Variants in SPON1 observed in about 807,000 individuals in gnomAD.
SPON1 encodes spondin 1.
In SPON1, 52 loss-of-function variants were observed where a neutral mutation model predicts 111.7. The observed-to-expected ratio is 0.47, with a 90% CI of 0.37 to 0.59. SPON1 has a LOEUF of 0.59. SPON1 is among the 20% of genes least tolerant of loss of function. SPON1 has a pLI of 0.00. For missense variants in SPON1, 957 were observed against 1,068.5 expected (o/e 0.90, Z 1.46); for synonymous variants, 410 against 395.8 (o/e 1.04, Z -0.43).
At chr11:14,060,311 A>G (rs973413473) in intron 3 of SPON1, among the ~76,000 whole-genome samples, 2 of 152,224 alleles carry the variant, frequency 1.3e-5, no homozygotes, top group Non-Finnish European at 2.9e-5. Flanking sequence ...AATACCAAGG[A>G]TACCTACATA....
intron 1 of SPON1, among the ~76,000 whole-genome samples, chr11:13,981,641 G>A (rs1304131048): frequency 2.0e-5 from 3 of 152,234 alleles, no homozygotes; most frequent in South Asian, 2.1e-4. Context: ...AGATTTTAAC[G>A]GAAAAATCGT....
chr11:14,054,154 T>A (rs1848727798), intron 3 of SPON1, among the ~76,000 whole-genome samples: 1 of 152,216 alleles, frequency 6.6e-6, no homozygotes, highest in Non-Finnish European at 1.5e-5. Flanking sequence ...TTCAGCTACA[T>A]TTTTCCTTGG....
chr11:14,219,999 A>C (rs1388396507), intron 6 of SPON1, among the ~76,000 whole-genome samples: 2 of 147,750 alleles, frequency 1.4e-5, no homozygotes, highest in Admixed American at 1.4e-4. Context: ...AGGTGGGAGG[A>C]TTGCTTGAGC....
chr11:14,117,242 G>C (rs1554926052), intron 5 of SPON1, among the ~76,000 whole-genome samples: 1 of 152,086 alleles, frequency 6.6e-6, no homozygotes, highest in East Asian at 1.9e-4. Flanking sequence ...TGGCAATAAT[G>C]GACATTCTTG....
chr11:14,035,562 T>G (rs1564890429), intron 2 of SPON1, among the ~76,000 whole-genome samples: 1 of 151,334 alleles, frequency 6.6e-6, no homozygotes, highest in Admixed American at 6.6e-5. Flanking sequence ...TGTGGCCAAG[T>G]CATATAGCCA....
chr11:14,070,575 C>A (rs546892130), intron 3 of SPON1, among the ~76,000 whole-genome samples: 7 of 152,350 alleles, frequency 4.6e-5, no homozygotes, highest in East Asian at 1.9e-4. Flanking sequence ...CAACACACCA[C>A]AGTAGGAACT....
At chr11:13,978,969 T>TAG (rs1848123633) in intron 1 of SPON1, among the ~76,000 whole-genome samples, 1 of 152,210 alleles carries the variant, frequency 6.6e-6, no homozygotes, top group South Asian at 2.1e-4. Flanking sequence ...GGAGCAGGGA[T>TAG]TATCTGTCTT....
chr11:14,234,165 G>T (rs1165307559), intron 6 of SPON1, among the ~76,000 whole-genome samples: 1 of 152,228 alleles, frequency 6.6e-6, no homozygotes, highest in Non-Finnish European at 1.5e-5. Context: ...AGTCAGATCT[G>T]GCCTGGATCA....
At chr11:14,171,617 C>T (rs368647702) in intron 6 of SPON1, among the ~76,000 whole-genome samples, 1 of 151,922 alleles carries the variant, frequency 6.6e-6, no homozygotes, top group South Asian at 2.1e-4. Context: ...CTGCTTTCTC[C>T]TGTGGGCATT....
chr11:14,022,756 C>T (rs782065743), intron 2 of SPON1, among the ~76,000 whole-genome samples: 8 of 152,350 alleles, frequency 5.3e-5, no homozygotes, highest in Admixed American at 3.9e-4. Flanking sequence ...ATTACTGAAA[C>T]CTTTTCATAG....
chr11:14,267,721 G>A lies in SPON1; in HGVS notation c.*2034G>A, dbSNP rs1380738211. 3 of 152,180 alleles carry A rather than the reference G, an allele frequency of 2.0e-5. No homozygotes were observed. Among genetic ancestry groups the A allele is most frequent in the African/African-American group, 7.2e-5 (3 of 41,436 alleles). The allele number at this position is 152,180 out of a possible 1,614,324, so 9.4% of individuals were successfully genotyped here. A position where few individuals can be genotyped will look rare whatever the true frequency, so the allele number is the denominator to read the frequency against. ...ATGGGGAATTTATAAGAAGCATCAA[G>A]TCTCTTTCTTACCAAAGTCTTGTTA... is the stretch of plus-strand genomic sequence containing the variant. On this transcript the variant is annotated 3_prime_UTR_variant, in exon 16 of 16. Coordinates refer to ENST00000576479, the MANE Select transcript of SPON1 (RefSeq NM_006108.4).
intron 2 of SPON1, among the ~76,000 whole-genome samples, chr11:14,017,366 T>C (rs782073566): frequency 6.6e-6 from 1 of 152,222 alleles, no homozygotes; most frequent in Admixed American, 6.5e-5. Context: ...AATTACATCA[T>C]TGTTTTCAGA....
chr11:13,993,612 T>C (rs1848248795), intron 2 of SPON1, among the ~76,000 whole-genome samples: 1 of 152,124 alleles, frequency 6.6e-6, no homozygotes, highest in Non-Finnish European at 1.5e-5. Flanking sequence ...GCGAGGCTCT[T>C]TCTCTCTCTC....
At chr11:13,985,381 G>A (rs1334399443) in intron 2 of SPON1, among the ~76,000 whole-genome samples, 2 of 152,174 alleles carry the variant, frequency 1.3e-5, no homozygotes, top group African/African-American at 4.8e-5. Context: ...GTTTATATTT[G>A]TTAACTGAGT....
At chr11:14,206,240 C>A (rs1426415430) in intron 6 of SPON1, among the ~76,000 whole-genome samples, 1 of 152,106 alleles carries the variant, frequency 6.6e-6, no homozygotes, top group Non-Finnish European at 1.5e-5. Flanking sequence ...GTCACCCAGG[C>A]TGGAATGCAG....
At chr11:14,122,250 T>C (rs1426428108) in intron 5 of SPON1, among the ~76,000 whole-genome samples, 1 of 152,170 alleles carries the variant, frequency 6.6e-6, no homozygotes, top group African/African-American at 2.4e-5. Context: ...CTCGGCCCAC[T>C]GCAAGCTCTA....
intron 2 of SPON1, among the ~76,000 whole-genome samples, chr11:14,003,823 C>A (rs1321797615): frequency 1.3e-5 from 2 of 152,158 alleles, no homozygotes; most frequent in African/African-American, 4.8e-5. Flanking sequence ...TCTACTTAAC[C>A]AAAATCCGTA....
chr11:14,165,380 G>A (rs1477837196), intron 6 of SPON1, among the ~76,000 whole-genome samples: 1 of 152,184 alleles, frequency 6.6e-6, no homozygotes, highest in African/African-American at 2.4e-5. Context: ...GCTGACAGGA[G>A]ATGTAGTGGG....
intron 2 of SPON1, among the ~76,000 whole-genome samples, chr11:14,012,848 G>A (rs985741039): frequency 2.6e-5 from 4 of 152,088 alleles, no homozygotes; most frequent in Admixed American, 1.3e-4. Context: ...ATTGGCTCTC[G>A]GTAGTTAATA....
Sources: gnomAD v4.1 joint callset for allele counts (sites outside exome capture counted in the v4.1 genomes callset) on GRCh38, gnomAD v4.1.1 for gene constraint, MANE v1.5 for transcripts, NCBI Gene and HGNC (gene_info 2026-07-23, HGNC 2026-07-21) for gene names.